CDH17: variants seen among roughly 807,000 people sequenced by gnomAD.
The protein encoded by CDH17 is cadherin 17, also known as cadherin-17.
CDH17 carries 67 observed loss-of-function variants against 86.3 expected under a neutral mutation model. The ratio of observed to expected loss-of-function variants is 0.78; its 90% confidence interval spans 0.64 to 0.95. The LOEUF (loss-of-function observed/expected upper bound fraction) is 0.95. CDH17 is among the 40% of genes least tolerant of loss of function. CDH17 has a pLI of 0.00. For synonymous variants in CDH17, 367 were observed against 366.4 expected (o/e 1.00, Z -0.02); for missense variants, 993 against 1,017.6 (o/e 0.98, Z 0.33).
chr8:94,130,535 C>T (rs2130563228), intron 17 of CDH17, 91 bp downstream of exon 17: 1 of 822,298 alleles, frequency 1.2e-6, no homozygotes, highest in East Asian at 2.7e-5. Flanking sequence ...TTTGAGCAGC[C>T]ACCAGACCAG....
chr8:94,187,852 AAC>A (rs1276346176), intron 3 of CDH17, among the ~76,000 whole-genome samples: 2 of 151,990 alleles, frequency 1.3e-5, no homozygotes, highest in Non-Finnish European at 2.9e-5. Flanking sequence ...TCCAGCTCTC[AAC>A]ACATTCACTG....
chr8:94,149,549 G>C (rs2340027), intron 13 of CDH17, among the ~76,000 whole-genome samples: 5,882 of 152,144 alleles, frequency 0.039, 375 homozygotes, highest in East Asian at 0.25. Flanking sequence ...TGAAGTAGTA[G>C]ATGTTTAAGG....
chr8:94,177,856 G>A, intron 3 of CDH17, 135 bp from the exon 4 acceptor site: 1 of 789,302 alleles, frequency 1.3e-6, no homozygotes, highest in Non-Finnish European at 2.0e-6. Context: ...TTTTAAAGTG[G>A]TACCTTCTAA....
intron 1 of CDH17, among the ~76,000 whole-genome samples, chr8:94,199,065 ATATATATATATATATATATT>A (rs1207104346): frequency 1.9e-3 from 38 of 19,504 alleles, no homozygotes; most frequent in African/African-American, 5.8e-3. Flanking sequence ...ATATATATAT[ATATATATATATATATATATT>A]TTTTTTTTTT....
At chr8:94,177,823 T>C in intron 3 of CDH17, 102 bp from the exon 4 acceptor site, 3 of 1,094,102 alleles carry the variant, frequency 2.7e-6, no homozygotes, top group Non-Finnish European at 4.0e-6. Flanking sequence ...ATTGGTTCAA[T>C]TACTAAATAA....
intron 15 of CDH17, among the ~76,000 whole-genome samples, chr8:94,141,514 C>G (rs1034324070): frequency 2.0e-5 from 3 of 152,110 alleles, no homozygotes; most frequent in Non-Finnish European, 2.9e-5. Flanking sequence ...TCATTATTCA[C>G]AGACAACATG....
At chr8:94,181,896 C>G (rs564059695) in intron 3 of CDH17, among the ~76,000 whole-genome samples, 4 of 152,006 alleles carry the variant, frequency 2.6e-5, no homozygotes, top group Non-Finnish European at 5.9e-5. Flanking sequence ...TTTGGCTGGA[C>G]TGATCAAGAA....
At chr8:94,173,118 C>T (rs568230500) in intron 7 of CDH17, among the ~76,000 whole-genome samples, 7 of 152,302 alleles carry the variant, frequency 4.6e-5, no homozygotes, top group African/African-American at 1.7e-4. Context: ...CAGGGAACAA[C>T]AAACATCACT....
At chr8:94,154,614 C>T (rs1812913333) in intron 12 of CDH17, among the ~76,000 whole-genome samples, 1 of 152,100 alleles carries the variant, frequency 6.6e-6, no homozygotes, top group African/African-American at 2.4e-5. Context: ...CAGGGCTACC[C>T]AAGAGTACTC....
intron 3 of CDH17, among the ~76,000 whole-genome samples, chr8:94,184,309 C>T (rs1358499268): frequency 6.6e-6 from 1 of 151,702 alleles, no homozygotes; most frequent in Non-Finnish European, 1.5e-5. Context: ...TCATTATAGC[C>T]ATAAATGAAA....
intron 14 of CDH17, among the ~76,000 whole-genome samples, chr8:94,147,335 GCA>G (rs1468516783): frequency 1.3e-5 from 2 of 152,184 alleles, no homozygotes; most frequent in African/African-American, 4.8e-5. Context: ...TCCCAAGCTG[GCA>G]CACCGTTCTG....
intron 10 of CDH17, 47 bp downstream of exon 10, chr8:94,165,714 G>C: frequency 8.0e-7 from 1 of 1,250,182 alleles, no homozygotes; most frequent in Non-Finnish European, 1.2e-6. Context: ...CTCATAGCTA[G>C]AAGGAAAACA....
intron 1 of CDH17, among the ~76,000 whole-genome samples, chr8:94,205,160 G>A (rs1489459826): frequency 1.3e-5 from 2 of 152,122 alleles, no homozygotes; most frequent in Non-Finnish European, 2.9e-5. Flanking sequence ...CCTAGAAGGT[G>A]GCAGGGGGAG....
intron 10 of CDH17, 133 bp downstream of exon 10, chr8:94,165,628 G>A (rs1444337857): frequency 5.8e-6 from 4 of 685,752 alleles, no homozygotes; most frequent in East Asian, 2.7e-5. Flanking sequence ...TGTGTTATGT[G>A]TGTTTCACAA....
rs575611488 is a variant in CDH17, at chr8:94,153,215, T to C, written c.1552-1103A>G. Among the ~76,000 whole-genome samples the C allele has an allele frequency of 2.0e-5, 3 of 152,242 alleles. No individual in the cohort carries two copies. The East Asian group carries it at 5.8e-4, about 29-fold the overall frequency. The stretch of plus-strand genomic sequence containing the variant: ...TTAAAACCTAGGCAAAGGACCTGAA[T>C]AGTCATTTCTCAAAAGAAGACATAC... On this transcript the variant is annotated intron_variant, in intron 12 of 17. Transcript: ENST00000027335.
intron 13 of CDH17, among the ~76,000 whole-genome samples, chr8:94,149,713 A>G (rs1053155102): frequency 2.0e-5 from 3 of 152,216 alleles, no homozygotes; most frequent in Non-Finnish European, 4.4e-5. Context: ...AGAGATTTGA[A>G]GAGCCAGATC....
intron 15 of CDH17, among the ~76,000 whole-genome samples, chr8:94,142,197 C>A (rs1042113229): frequency 4.6e-5 from 7 of 152,140 alleles, no homozygotes; most frequent in Admixed American, 3.3e-4. Flanking sequence ...CATATCTCAG[C>A]GATATGGGTT....
At chr8:94,144,446 C>A (rs1031243831) in intron 15 of CDH17, among the ~76,000 whole-genome samples, 2 of 152,100 alleles carry the variant, frequency 1.3e-5, no homozygotes, top group African/African-American at 4.8e-5. Flanking sequence ...TTGCCACAAA[C>A]CTTCATTTTA....
At chr8:94,197,262 C>G (rs751155331) in intron 1 of CDH17, 1 of 152,308 alleles carries the variant, frequency 6.6e-6, no homozygotes, top group Non-Finnish European at 1.5e-5. Context: ...TCACTTGAGC[C>G]CAGGAGGCAG....
Sources: gnomAD v4.1 joint callset for allele counts (sites outside exome capture counted in the v4.1 genomes callset) on GRCh38, gnomAD v4.1.1 for gene constraint, MANE v1.5 for transcripts, NCBI Gene and HGNC (gene_info 2026-07-23, HGNC 2026-07-21) for gene names.